Variants in PTPRD observed in about 807,000 individuals in gnomAD.
PTPRD encodes the protein receptor-type tyrosine-protein phosphatase delta.
A neutral mutation model predicts 214.5 loss-of-function variants in PTPRD; 34 were observed. That is an observed-to-expected ratio of 0.16 (90% CI 0.12 to 0.21). PTPRD has a LOEUF of 0.21. Ranked by LOEUF, PTPRD falls within the 10% of genes least tolerant of loss-of-function variation. The pLI, the probability that PTPRD is intolerant of heterozygous loss-of-function variation, is 1.00. For synonymous variants in PTPRD, 1,128 were observed against 845.7 expected (o/e 1.33, Z -5.79); for missense variants, 2,545 against 2,398.7 (o/e 1.06, Z -1.27).
chr9:10,309,341 T>G (rs564884610), intron 3 of PTPRD, among the ~76,000 whole-genome samples: 9 of 152,002 alleles, frequency 5.9e-5, no homozygotes, highest in Non-Finnish European at 1.5e-5. Flanking sequence ...CTTCCTTTTG[T>G]TTTTTTGTTT....
At chr9:8,857,440 G>A (rs1245418550) in intron 11 of PTPRD, among the ~76,000 whole-genome samples, 1 of 152,158 alleles carries the variant, frequency 6.6e-6, no homozygotes, top group African/African-American at 2.4e-5. Flanking sequence ...AGTGAACCCA[G>A]CAGGAGAGGA....
At chr9:10,188,573 A>G (rs921629187) in intron 3 of PTPRD, among the ~76,000 whole-genome samples, 2 of 150,920 alleles carry the variant, frequency 1.3e-5, no homozygotes, top group Non-Finnish European at 2.9e-5. Flanking sequence ...GATAAATAGT[A>G]TCTTTTTTTT....
intron 2 of PTPRD, among the ~76,000 whole-genome samples, chr9:10,432,841 C>T (rs1353785304): frequency 2.0e-5 from 3 of 151,924 alleles, no homozygotes; most frequent in South Asian, 2.1e-4. Flanking sequence ...TCCTATTTCC[C>T]GAGGATGACA....
At chr9:8,514,403 G>A (rs1468548398) in intron 21 of PTPRD, among the ~76,000 whole-genome samples, 2 of 151,952 alleles carry the variant, frequency 1.3e-5, no homozygotes, top group African/African-American at 2.4e-5. Context: ...GTTTAAACTG[G>A]TGCTTATAAA....
At chr9:10,182,360 T>C (rs2099302256) in intron 3 of PTPRD, among the ~76,000 whole-genome samples, 1 of 149,242 alleles carries the variant, frequency 6.7e-6, no homozygotes. Flanking sequence ...CAAAAATAAA[T>C]GTATGGATAA....
chr9:8,791,247 ACAGAGT>A (rs1414827880), intron 11 of PTPRD, among the ~76,000 whole-genome samples: 1 of 151,986 alleles, frequency 6.6e-6, no homozygotes, highest in East Asian at 1.9e-4. Context: ...TCTTTTTGAG[ACAGAGT>A]CTCGCTCTGT....
chr9:10,489,543 T>G (rs982690238), intron 2 of PTPRD, among the ~76,000 whole-genome samples: 1 of 152,138 alleles, frequency 6.6e-6, no homozygotes, highest in Non-Finnish European at 1.5e-5. Context: ...TTGTAGTCCT[T>G]GTGGCCTAGA....
intron 4 of PTPRD, among the ~76,000 whole-genome samples, chr9:9,973,280 T>C (rs2154051954): frequency 7.3e-6 from 1 of 137,480 alleles, no homozygotes; most frequent in Non-Finnish European, 1.5e-5. Context: ...CTAAGCAACA[T>C]AGTGGTGAGA....
chr9:8,881,503 G>C (rs1236643346), intron 11 of PTPRD, among the ~76,000 whole-genome samples: 1 of 152,122 alleles, frequency 6.6e-6, no homozygotes. Context: ...AGTTCTTTCT[G>C]TAATGGAAGG....
At chr9:8,682,096 T>C (rs1211180946) in intron 12 of PTPRD, among the ~76,000 whole-genome samples, 1 of 152,034 alleles carries the variant, frequency 6.6e-6, no homozygotes, top group Non-Finnish European at 1.5e-5. Context: ...GACAGCAAAA[T>C]AGCGATATAG....
At chr9:9,636,299 A>G (rs1024840597) in intron 7 of PTPRD, among the ~76,000 whole-genome samples, 2 of 152,130 alleles carry the variant, frequency 1.3e-5, no homozygotes, top group African/African-American at 4.8e-5. Flanking sequence ...CATAGTTTGC[A>G]TTTGTAATTT....
At chr9:9,537,148 A>G (rs935087827) in intron 8 of PTPRD, among the ~76,000 whole-genome samples, 65 of 152,096 alleles carry the variant, frequency 4.3e-4, no homozygotes, top group African/African-American at 1.5e-3. Flanking sequence ...GCTATGTGCC[A>G]GCTACTATGA....
rs945016724 is a variant in PTPRD, at chr9:9,184,546, G to A, written c.-202-1183C>T. ...TACAGTGTTACATAGATGAGCATTC[G>A]TCACCTCACCCTGACTAGGACATCT... On this transcript the variant is annotated intron_variant, in intron 9 of 45. Transcript: ENST00000381196. 7.9e-5 allele frequency among the ~76,000 whole-genome samples: 12 copies of A among 152,080 alleles called. 1 individual carries two copies. The highest frequency in any genetic ancestry group is 4.6e-4 in the Admixed American group (7 of 15,238).
chr9:10,575,686 C>A (rs1002058283), intron 2 of PTPRD, among the ~76,000 whole-genome samples: 5 of 152,032 alleles, frequency 3.3e-5, no homozygotes, highest in Admixed American at 3.3e-4. Context: ...ATTAAGTGAA[C>A]TCTCTAGGTC....
intron 4 of PTPRD, among the ~76,000 whole-genome samples, chr9:10,001,026 G>A (rs922598882): frequency 6.6e-6 from 1 of 152,128 alleles, no homozygotes; most frequent in Non-Finnish European, 1.5e-5. Flanking sequence ...CAGCACACAG[G>A]GTTTCTCTCT....
rs554673438 is a variant in PTPRD at position 10,576,572 on chromosome 9, A to C, written c.-600+35826T>G. ...GCATGGCGGACTCACCTCTTAGACT[A>C]GGCTACATTTGATAAAGGTTGACTG... On this transcript the variant is annotated intron_variant, in intron 2 of 45. Coordinates refer to ENST00000381196, the MANE Select transcript of PTPRD (RefSeq NM_002839.4). 1.8e-4 allele frequency among the ~76,000 whole-genome samples: 28 copies of C among 152,260 alleles called. 1 individual carries two copies. The East Asian group carries it at 5.4e-3, about 29-fold the overall frequency.
intron 12 of PTPRD, among the ~76,000 whole-genome samples, chr9:8,717,660 A>C (rs1294151651): frequency 6.6e-6 from 1 of 152,190 alleles, no homozygotes; most frequent in Non-Finnish European, 1.5e-5. Flanking sequence ...TTTTTAAATT[A>C]GCTATGCTTG....
chr9:9,167,488 C>T (rs1244909581), intron 10 of PTPRD, among the ~76,000 whole-genome samples: 1 of 152,010 alleles, frequency 6.6e-6, no homozygotes, highest in Non-Finnish European at 1.5e-5. Flanking sequence ...GGCATGGTGG[C>T]TCACAACTGT....
intron 10 of PTPRD, among the ~76,000 whole-genome samples, chr9:9,021,236 A>G (rs187702623): frequency 3.9e-5 from 6 of 152,296 alleles, no homozygotes; most frequent in Non-Finnish European, 7.3e-5. Flanking sequence ...TCAGCAATGG[A>G]CTGCATATAT....
Sources: allele counts gnomAD v4.1 joint callset (sites outside exome capture counted in the v4.1 genomes callset), GRCh38; gene constraint gnomAD v4.1.1; transcripts MANE v1.5; gene names NCBI Gene and HGNC (gene_info 2026-07-23, HGNC 2026-07-21).